UBR3: variants seen among roughly 807,000 people sequenced by gnomAD.
UBR3 encodes the protein E3 ubiquitin-protein ligase UBR3.
UBR3 carries 85 observed loss-of-function variants against 243.2 expected under a neutral mutation model. The observed-to-expected ratio is 0.35, with a 90% CI of 0.29 to 0.42. UBR3 has a LOEUF of 0.42. Ranked by LOEUF, UBR3 falls within the 10% of genes least tolerant of loss-of-function variation. The pLI, the probability that UBR3 is intolerant of heterozygous loss-of-function variation, is 1.00. For missense variants in UBR3, 1,686 were observed against 2,300.8 expected, an observed-to-expected ratio of 0.73 and a Z score of 5.47; for synonymous variants, 748 against 799.8, an observed-to-expected ratio of 0.94 and a Z score of 1.09.
intron 5 of UBR3, among the ~76,000 whole-genome samples, chr2:169,889,162 A>G (rs541098572): frequency 1.3e-5 from 2 of 152,288 alleles, no homozygotes; most frequent in African/African-American, 2.4e-5. Flanking sequence ...GATATCTAGA[A>G]TGATGTTAAG....
chr2:170,017,013 A>G (rs549221602), intron 30 of UBR3: 1 of 195,370 alleles, frequency 5.1e-6, no homozygotes, highest in Non-Finnish European at 1.1e-5. Context: ...AGTCATATAT[A>G]TATATAGAAT....
In UBR3 at chr2:169,843,008, T is replaced by A. The variant is rs370638461; in HGVS notation, c.545+14956T>A. On this transcript the variant is annotated intron_variant, in intron 1 of 38. Transcript: ENST00000272793. Reference sequence around the variant, plus strand: ...ATTTCTACCAACATTCCATTCTTCCTTTTAGCCCTCACTGGAACTATCCTT... The same window carrying A: ...ATTTCTACCAACATTCCATTCTTCCATTTAGCCCTCACTGGAACTATCCTT... Among the ~76,000 whole-genome samples, 4 of 152,370 alleles carry A rather than the reference T, an allele frequency of 2.6e-5. No homozygotes were observed. In the East Asian group the frequency reaches 7.7e-4, roughly 29 times the overall value.
At chr2:170,072,174 A>G (rs559177292) in intron 35 of UBR3, among the ~76,000 whole-genome samples, 7 of 152,174 alleles carry the variant, frequency 4.6e-5, no homozygotes, top group East Asian at 1.9e-4. Flanking sequence ...AACCAACCCA[A>G]ATGTCCAACA....
At chr2:169,841,429 T>G (rs1196495683) in intron 1 of UBR3, among the ~76,000 whole-genome samples, 1 of 152,236 alleles carries the variant, frequency 6.6e-6, no homozygotes, top group Non-Finnish European at 1.5e-5. Flanking sequence ...CCCACTTTGG[T>G]GGCATTTGAG....
chr2:169,972,117 A>G (rs909302193), intron 24 of UBR3, among the ~76,000 whole-genome samples: 2 of 152,232 alleles, frequency 1.3e-5, no homozygotes, highest in African/African-American at 2.4e-5. Context: ...ACAAACTACC[A>G]TCAGAGAATA....
rs770674966 is a variant in UBR3, at chr2:169,857,064, G to GTTTTT, written c.546-15149_546-15145dup. 2.4e-3 allele frequency among the ~76,000 whole-genome samples: 136 copies of GTTTTT among 56,070 alleles called. 33 individuals carry two copies. The highest frequency in any genetic ancestry group is 0.013 in the Middle Eastern group (1 of 78). 36.8% of individuals were successfully genotyped at this position (56,070 alleles called of 152,430 possible). Reference sequence around the variant, plus strand: ...ATGATTTCCAGCATAATTTTATTATGTTTTTTTTTTTTTTTTTTTTTTTTT... The same window carrying GTTTTT: ...ATGATTTCCAGCATAATTTTATTATGTTTTTTTTTTTTTTTTTTTTTTTTTTTTTT... On this transcript the variant is annotated intron_variant, in intron 1 of 38. Coordinates refer to ENST00000272793, the MANE Select transcript of UBR3 (RefSeq NM_172070.4).
Position 170,073,531 on chromosome 2 carries a change from T to G in UBR3, c.5123T>G (p.Val1708Gly). Residue 1708 changes from valine to glycine, a missense_variant, in exon 36 of 39, where the codon GTT becomes GGT. Physicochemically the swap from Val to Gly is moderately radical, Grantham distance 109. Transcript: ENST00000272793. The stretch of plus-strand genomic sequence containing the variant: ...AGTGCCTCCTGTCTGGATTGGCCAG[T>G]TCCAGCATTTGATATTATAACTCAG... ...FISASCLDWP[V>G]PAFDIITQWC... 13 of 1,613,768 alleles carry G rather than the reference T, an allele frequency of 8.1e-6. No homozygotes were observed. Among genetic ancestry groups the G allele is most frequent in the Non-Finnish European group, 1.1e-5 (13 of 1,179,770 alleles).
chr2:170,048,084 T>C lies in UBR3; in HGVS notation c.4660+7099T>C, dbSNP rs562339037. Among the ~76,000 whole-genome samples the C allele has an allele frequency of 2.0e-5, 3 of 152,324 alleles. No homozygotes were observed. The South Asian group carries it at 6.2e-4, about 32-fold the overall frequency. On this transcript the variant is annotated intron_variant, in intron 32 of 38. Transcript: ENST00000272793. ...CTTGTTTTCTAGAGCTGGCTTCTGCTTACTCCTTAGAAAATAATTCAGGTT... is the reference window on the plus strand; with the variant it reads ...CTTGTTTTCTAGAGCTGGCTTCTGCCTACTCCTTAGAAAATAATTCAGGTT...
chr2:169,836,550 A>G (rs73022447), intron 1 of UBR3, among the ~76,000 whole-genome samples: 6,598 of 151,760 alleles, frequency 0.043, 164 homozygotes, highest in Middle Eastern at 0.068. Context: ...CTTCATACCT[A>G]GTTGATGAGT....
intron 1 of UBR3, among the ~76,000 whole-genome samples, chr2:169,844,468 A>G (rs917069940): frequency 9.5e-5 from 14 of 147,832 alleles, no homozygotes. Flanking sequence ...CAATGTCTGT[A>G]AAGTATGTAG....
chr2:169,942,179 C>G (rs556072893), intron 19 of UBR3, among the ~76,000 whole-genome samples: 1 of 152,294 alleles, frequency 6.6e-6, no homozygotes, highest in South Asian at 2.1e-4. Context: ...TTTGCTTAAT[C>G]GTTACAGCTG....
chr2:170,069,580 A>G (rs908177795), intron 35 of UBR3, among the ~76,000 whole-genome samples: 3 of 151,966 alleles, frequency 2.0e-5, no homozygotes, highest in African/African-American at 7.2e-5. Flanking sequence ...CCTTTGGCCA[A>G]CATCTCCCCA....
intron 18 of UBR3, among the ~76,000 whole-genome samples, chr2:169,931,350 T>TAA (rs66951181): frequency 0.2 from 17,743 of 87,312 alleles, 1,545 homozygotes; most frequent in East Asian, 0.36. Context: ...GAATCTGTCT[T>TAA]AAAAAAAAAA....
intron 11 of UBR3, among the ~76,000 whole-genome samples, chr2:169,918,380 T>A (rs562068396): frequency 2.0e-5 from 3 of 151,802 alleles, no homozygotes; most frequent in South Asian, 2.1e-4. Flanking sequence ...CCAGTGAGGA[T>A]TGACTAAGAG....
chr2:170,007,951 CAATTT>C (rs1274942429), intron 28 of UBR3, among the ~76,000 whole-genome samples: 7 of 152,068 alleles, frequency 4.6e-5, no homozygotes, highest in Non-Finnish European at 8.8e-5. Flanking sequence ...ATATAAAACA[CAATTT>C]AATCACTTAA....
At position 170,083,845 on chromosome 2, in the gene UBR3, A is replaced by G. The variant is rs1480661615; in HGVS notation, c.*2002A>G. ...AAATTGTACTTGAATACATACATGC[A>G]TGCTGCTAAACTAGAACTTTAATTT... On this transcript the variant is annotated 3_prime_UTR_variant, in exon 39 of 39. Coordinates refer to ENST00000272793, the MANE Select transcript of UBR3 (RefSeq NM_172070.4). The G allele has an allele frequency of 6.6e-6, 1 of 152,632 alleles. No homozygotes were observed. Among genetic ancestry groups the G allele is most frequent in the Non-Finnish European group, 1.5e-5 (1 of 68,012 alleles). 9.5% of individuals were successfully genotyped at this position (152,632 alleles called of 1,614,324 possible). A position where few individuals can be genotyped will look rare whatever the true frequency, so the allele number is the denominator to read the frequency against.
At chr2:169,910,663 G>A (rs1408163759) in intron 10 of UBR3, among the ~76,000 whole-genome samples, 2 of 152,068 alleles carry the variant, frequency 1.3e-5, no homozygotes, top group Admixed American at 6.5e-5. Flanking sequence ...CATTCTCTTC[G>A]TGAGCACTTA....
chr2:169,912,079 A>C (rs938656922), intron 10 of UBR3, among the ~76,000 whole-genome samples: 3 of 152,194 alleles, frequency 2.0e-5, no homozygotes, highest in Admixed American at 1.3e-4. Flanking sequence ...GTCAAGAATG[A>C]ATGTGAGACT....
At chr2:169,963,551 A>G (rs562485885) in intron 24 of UBR3, among the ~76,000 whole-genome samples, 1 of 152,128 alleles carries the variant, frequency 6.6e-6, no homozygotes, top group Non-Finnish European at 1.5e-5. Flanking sequence ...GGACAAAAGC[A>G]GATATTTAGC....
Sources: allele counts gnomAD v4.1 joint callset (sites outside exome capture counted in the v4.1 genomes callset), GRCh38; gene constraint gnomAD v4.1.1; transcripts MANE v1.5; gene names NCBI Gene and HGNC (gene_info 2026-07-23, HGNC 2026-07-21).